The following LRRC4C variants were observed in gnomAD, a reference collection of about 807,000 sequenced individuals.
LRRC4C encodes the protein leucine rich repeat containing 4C, also known as leucine-rich repeat-containing protein 4C.
LRRC4C carries 5 observed loss-of-function variants against 33.6 expected under a neutral mutation model. That is an observed-to-expected ratio of 0.15 (90% CI 0.08 to 0.31). The LOEUF (loss-of-function observed/expected upper bound fraction) is 0.31. Among genes scored for constraint, LRRC4C ranks in the 10% least tolerant of loss-of-function variants. The pLI, the probability that LRRC4C is intolerant of heterozygous loss-of-function variation, is 1.00. For missense variants in LRRC4C, 560 were observed against 796.7 expected, an observed-to-expected ratio of 0.70 and a Z score of 3.58; for synonymous variants, 329 against 302.0, an observed-to-expected ratio of 1.09 and a Z score of -0.93.
At chr11:41,342,074 T>C (rs1000744077) in intron 1 of LRRC4C, among the ~76,000 whole-genome samples, 1 of 151,642 alleles carries the variant, frequency 6.6e-6, no homozygotes, top group Admixed American at 6.6e-5. Context: ...AGGTGAGGCA[T>C]TGAAGCCTTG....
At chr11:40,255,909 A>C (rs1454179736) in intron 4 of LRRC4C, among the ~76,000 whole-genome samples, 1 of 152,246 alleles carries the variant, frequency 6.6e-6, no homozygotes, top group Non-Finnish European at 1.5e-5. Flanking sequence ...TTGATACTGC[A>C]TCATTGATAT....
At chr11:40,893,882 C>G (rs1456956547) in intron 2 of LRRC4C, among the ~76,000 whole-genome samples, 6 of 151,908 alleles carry the variant, frequency 3.9e-5, no homozygotes, top group Non-Finnish European at 7.4e-5. Context: ...TCTCTGCCTA[C>G]TTGCTTGTAT....
chr11:40,236,133 G>A (rs1865537396), intron 5 of LRRC4C, among the ~76,000 whole-genome samples: 4 of 151,188 alleles, frequency 2.6e-5, no homozygotes, highest in Admixed American at 6.6e-5. Flanking sequence ...ACTGCTCCAG[G>A]AAAAAAGCTC....
At chr11:40,599,468 A>G (rs950613491) in intron 3 of LRRC4C, among the ~76,000 whole-genome samples, 3 of 152,114 alleles carry the variant, frequency 2.0e-5, no homozygotes, top group African/African-American at 7.2e-5. Context: ...CCTTCTTAAG[A>G]AGAACCATAT....
At chr11:40,417,216 G>A (rs554262628) in intron 3 of LRRC4C, among the ~76,000 whole-genome samples, 32 of 152,196 alleles carry the variant, frequency 2.1e-4, no homozygotes, top group African/African-American at 5.3e-4. Context: ...CAGTTTTCCC[G>A]TAGTATGGTT....
chr11:40,704,268 C>T (rs1418953035), intron 2 of LRRC4C, among the ~76,000 whole-genome samples: 5 of 152,040 alleles, frequency 3.3e-5, no homozygotes, highest in Non-Finnish European at 7.4e-5. Flanking sequence ...TCAGAGAAGG[C>T]TGGGTTTCCT....
Position 40,735,739 on chromosome 11 carries a change from C to T in LRRC4C, c.-406-87461G>A, listed in dbSNP as rs561510979. Among the ~76,000 whole-genome samples the T allele has an allele frequency of 4.7e-4, 71 of 149,542 alleles. 1 individual carries two copies. The South Asian group carries it at 0.015, about 32-fold the overall frequency. Reference sequence around the variant, plus strand: ...GATCCCTGAGGAATCACCGCACTGACTTCCACAATGGTTGAACTAGTTTAC... The same window carrying T: ...GATCCCTGAGGAATCACCGCACTGATTTCCACAATGGTTGAACTAGTTTAC... On this transcript the variant is annotated intron_variant, in intron 2 of 6. Coordinates refer to ENST00000528697, the MANE Select transcript of LRRC4C (RefSeq NM_001258419.2).
At chr11:41,189,188 T>G (rs374395829) in intron 1 of LRRC4C, among the ~76,000 whole-genome samples, 7 of 152,260 alleles carry the variant, frequency 4.6e-5, no homozygotes, top group African/African-American at 1.7e-4. Flanking sequence ...AAGTCTGTAT[T>G]CTACTGAGAG....
At chr11:40,791,991 T>TA (rs892318369) in intron 2 of LRRC4C, among the ~76,000 whole-genome samples, 134 of 144,900 alleles carry the variant, frequency 9.2e-4, no homozygotes, top group African/African-American at 2.8e-3. Context: ...GACATTGAAC[T>TA]AAAAAAAAAA....
rs1315340127 is a variant in LRRC4C, at chr11:40,951,169, T to TG, written c.-495-17447dup. Among the ~76,000 whole-genome samples the TG allele has an allele frequency of 2.6e-5, 4 of 152,008 alleles. No individual in the cohort carries two copies. In the East Asian group the frequency reaches 7.7e-4, roughly 29 times the overall value. On this transcript the variant is annotated intron_variant, in intron 1 of 6. Transcript: ENST00000528697. ...GCAAAGACAGGAAGGTAAACTGCAC[T>TG]GATTTTCTAGAAACTTTGATGGGGA...
chr11:40,769,552 A>G (rs1028036156), intron 2 of LRRC4C, among the ~76,000 whole-genome samples: 3 of 152,190 alleles, frequency 2.0e-5, no homozygotes, highest in Non-Finnish European at 4.4e-5. Flanking sequence ...ACAAAACTGG[A>G]GGAATCACAT....
chr11:41,259,952 A>G (rs906184685), intron 1 of LRRC4C, among the ~76,000 whole-genome samples: 26 of 151,916 alleles, frequency 1.7e-4, no homozygotes, highest in African/African-American at 6.3e-4. Context: ...AATCTAGTGA[A>G]TTTTTTGGTG....
At chr11:40,647,353 T>C (rs1797104008) in intron 3 of LRRC4C, among the ~76,000 whole-genome samples, 1 of 152,206 alleles carries the variant, frequency 6.6e-6, no homozygotes, top group African/African-American at 2.4e-5. Context: ...TATAATTTGA[T>C]CTTTTTTTTT....
chr11:41,168,834 G>GGTCATCACGGAAGTTCAATCA (rs1225096733), intron 1 of LRRC4C, among the ~76,000 whole-genome samples: 1 of 152,146 alleles, frequency 6.6e-6, no homozygotes, highest in Non-Finnish European at 1.5e-5. Context: ...AAATGCCAAT[G>GGTCATCACGGAAGTTCAATCA]GTCATCACGG....
intron 5 of LRRC4C, among the ~76,000 whole-genome samples, chr11:40,192,221 A>G (rs1379566084): frequency 6.6e-6 from 1 of 152,130 alleles, no homozygotes; most frequent in Non-Finnish European, 1.5e-5. Context: ...GCTCCCAGCG[A>G]GAACAACACA....
At chr11:40,785,582 G>T (rs1039358018) in intron 2 of LRRC4C, among the ~76,000 whole-genome samples, 3 of 151,994 alleles carry the variant, frequency 2.0e-5, no homozygotes, top group Non-Finnish European at 4.4e-5. Context: ...TTTATACATA[G>T]GAATCAGACA....
chr11:41,118,374 G>T (rs1013765034), intron 1 of LRRC4C, among the ~76,000 whole-genome samples: 2 of 152,126 alleles, frequency 1.3e-5, no homozygotes, highest in African/African-American at 4.8e-5. Flanking sequence ...GCATTAAAAA[G>T]CCCCTCAGCC....
At position 40,467,494 on chromosome 11, in the gene LRRC4C, A is replaced by G. The variant is rs570550483; in HGVS notation, c.-269-147773T>C. On this transcript the variant is annotated intron_variant, in intron 3 of 6. Transcript: ENST00000528697. ...ATATATGTGACAGGAGGGAAAGAAG[A>G]GGGAAGAAAAAATTTTTAGAGCGCT... 2.0e-5 allele frequency among the ~76,000 whole-genome samples: 3 copies of G among 152,226 alleles called. No homozygotes were observed. In the East Asian group the frequency reaches 5.8e-4, roughly 29 times the overall value.
chr11:40,844,527 G>A (rs1953067998), intron 2 of LRRC4C, among the ~76,000 whole-genome samples: 1 of 152,130 alleles, frequency 6.6e-6, no homozygotes, highest in Non-Finnish European at 1.5e-5. Context: ...TGATATGACT[G>A]TAAAAGATAT....
Sources: allele counts gnomAD v4.1 joint callset (sites outside exome capture counted in the v4.1 genomes callset), GRCh38; gene constraint gnomAD v4.1.1; transcripts MANE v1.5; gene names NCBI Gene and HGNC (gene_info 2026-07-23, HGNC 2026-07-21).